RBFOX1: variants seen among roughly 807,000 people sequenced by gnomAD.
The protein encoded by RBFOX1 is RNA binding fox-1 homolog 1, also known as RNA binding protein fox-1 homolog 1.
In RBFOX1, 8 loss-of-function variants were observed where a neutral mutation model predicts 57.7. The observed-to-expected ratio is 0.14, with a 90% confidence interval of 0.08 to 0.25. The LOEUF (loss-of-function observed/expected upper bound fraction) is 0.25, where lower values mean the gene tolerates loss of function less well. Among genes scored for constraint, RBFOX1 ranks in the 10% least tolerant of loss-of-function variants. RBFOX1 has a pLI of 1.00. For missense variants in RBFOX1, 611 were observed against 548.5 expected (o/e 1.11, Z -1.14); for synonymous variants, 326 against 222.4 (o/e 1.47, Z -4.15).
Position 7,457,996 on chromosome 16 carries a change from C to T in RBFOX1, c.28-60151C>T, listed in dbSNP as rs78665869. ...GAAAGGCTACATTCCACAGTTCCTA[C>T]CCTGGTGCCTGCTTGGTTGGTATAT... On this transcript the variant is annotated intron_variant, in intron 4 of 15. Coordinates refer to ENST00000550418, the MANE Select transcript of RBFOX1 (RefSeq NM_018723.4). Among the ~76,000 whole-genome samples, 166 of 152,220 alleles carry T rather than the reference C, an allele frequency of 1.1e-3. 7 individuals carry two copies. In the East Asian group the frequency reaches 0.03, roughly 28 times the overall value.
intron 5 of RBFOX1, among the ~76,000 whole-genome samples, chr16:7,544,662 G>A (rs2083908948): frequency 6.6e-6 from 1 of 152,110 alleles, no homozygotes; most frequent in African/African-American, 2.4e-5. Flanking sequence ...GCAACACCTT[G>A]ATTTTGAACT....
chr16:6,946,252 C>G (rs2079493740), intron 3 of RBFOX1, among the ~76,000 whole-genome samples: 1 of 152,224 alleles, frequency 6.6e-6, no homozygotes, highest in African/African-American at 2.4e-5. Context: ...TCCACTACAT[C>G]CTTGTAGTAC....
In RBFOX1 at chr16:5,357,663, C is replaced by T. The variant is rs930896127; in HGVS notation, c.220-109553C>T. Among the ~76,000 whole-genome samples, 4 of 152,268 alleles carry T rather than the reference C, an allele frequency of 2.6e-5. No homozygotes were observed. The South Asian group carries it at 6.2e-4, about 24-fold the overall frequency. ...GATGCTTCTGGATCATGAACCACAC[C>T]CCAGGCTCTGGTTTCAGCAGAGTCT... On this transcript the variant is annotated intron_variant, in intron 1 of 2. Transcript: ENST00000585867.
rs1022899026 is a variant in RBFOX1, at chr16:6,019,793, G to C, written c.-326G>C. On this transcript the variant is annotated 5_prime_UTR_variant, in exon 1 of 16. Transcript: ENST00000550418. This position sits in a 1 kb window ranked among gnomAD's most constrained non-coding sequence, Gnocchi z 4.2. The stretch of plus-strand genomic sequence containing the variant: ...TGGCCGCCAGGGTCCCCGCCTGTCC[G>C]GACCCTCGCCGCGCCCAGGCAGGCG... The C allele has an allele frequency of 4.7e-6, 7 of 1,475,860 alleles. No homozygotes were observed. The South Asian group carries it at 5.2e-5, about 11-fold the overall frequency. The allele number at this position is 1,475,860 out of a possible 1,614,324, so 91.4% of individuals were successfully genotyped here.
intron 4 of RBFOX1, among the ~76,000 whole-genome samples, chr16:6,003,188 A>T (rs1391183122): frequency 6.6e-6 from 1 of 150,994 alleles, no homozygotes; most frequent in African/African-American, 2.4e-5. Context: ...CTGACGCAGG[A>T]GAATGGCATG....
intron 3 of RBFOX1, among the ~76,000 whole-genome samples, chr16:6,922,420 C>G (rs529366033): frequency 5.3e-5 from 8 of 152,200 alleles, no homozygotes; most frequent in African/African-American, 1.4e-4. Flanking sequence ...TTTTTGCTCT[C>G]TGCAGTGAGC....
chr16:6,722,111 G>T (rs12709155), intron 3 of RBFOX1, among the ~76,000 whole-genome samples: 12 of 152,204 alleles, frequency 7.9e-5, no homozygotes, highest in South Asian at 2.1e-4. Context: ...GTATAAGCGC[G>T]GTTGCACAGA....
chr16:5,486,014 G>C (rs1018483093), intron 2 of RBFOX1, among the ~76,000 whole-genome samples: 1 of 152,192 alleles, frequency 6.6e-6, no homozygotes, highest in Non-Finnish European at 1.5e-5. Context: ...AATTCGGTAT[G>C]AGCTCGCCTC....
At chr16:6,718,303 A>G (rs572884034) in intron 3 of RBFOX1, among the ~76,000 whole-genome samples, 75 of 152,328 alleles carry the variant, frequency 4.9e-4, no homozygotes, top group African/African-American at 1.8e-3. Context: ...AATGGAACAG[A>G]CGTGCCCTTG....
intron 3 of RBFOX1, chr16:5,838,321 G>C (rs2056525795): frequency 2.0e-5 from 4 of 197,946 alleles, no homozygotes; most frequent in African/African-American, 2.4e-5. Context: ...CACCTGCACA[G>C]AGTTATCCTT....
chr16:7,193,975 G>A (rs999358570), intron 4 of RBFOX1, among the ~76,000 whole-genome samples: 4 of 151,566 alleles, frequency 2.6e-5, no homozygotes, highest in African/African-American at 9.7e-5. Flanking sequence ...TTAAGGATTG[G>A]CTAAAAATAG....
At chr16:7,540,369 A>G (rs1276091861) in intron 5 of RBFOX1, among the ~76,000 whole-genome samples, 1 of 152,232 alleles carries the variant, frequency 6.6e-6, no homozygotes, top group African/African-American at 2.4e-5. Context: ...GCTCCTGTAC[A>G]GATTGCCTGA....
At chr16:7,402,197 C>G (rs529030786) in intron 4 of RBFOX1, among the ~76,000 whole-genome samples, 17 of 152,176 alleles carry the variant, frequency 1.1e-4, no homozygotes, top group Non-Finnish European at 2.5e-4. Flanking sequence ...TTTGAAAATA[C>G]ATTTAAGTAC....
chr16:5,570,118 G>A (rs1473370577), intron 2 of RBFOX1, among the ~76,000 whole-genome samples: 2 of 152,174 alleles, frequency 1.3e-5, no homozygotes, highest in Non-Finnish European at 2.9e-5. Context: ...TTCCACACCT[G>A]ATAAGTAGGT....
intron 3 of RBFOX1, among the ~76,000 whole-genome samples, chr16:6,771,641 C>G (rs185696097): frequency 3.3e-5 from 5 of 152,312 alleles, no homozygotes; most frequent in African/African-American, 1.2e-4. Flanking sequence ...TTTTGCTCCT[C>G]AGGAGACATT....
intron 1 of RBFOX1, among the ~76,000 whole-genome samples, chr16:5,326,919 C>A (rs1448013170): frequency 4.6e-5 from 7 of 152,178 alleles, no homozygotes; most frequent in African/African-American, 1.4e-4. Flanking sequence ...TGTCCAATAT[C>A]GAGCCAGGCA....
rs190846828 is a variant in RBFOX1, at chr16:5,841,338, C to A, written c.319-25965C>A. 3.7e-3 allele frequency among the ~76,000 whole-genome samples: 562 copies of A among 152,278 alleles called. 7 individuals carry two copies. The highest frequency in any genetic ancestry group is 0.013 in the African/African-American group (526 of 41,570). On this transcript the variant is annotated intron_variant, in intron 3 of 19. Transcript: ENST00000641259. ...TTCAGGGAATGTTCTTATCACCATG[C>A]AGCTGCACTGCCACTCATGTAACCC...
At chr16:6,483,233 G>A (rs1165691214) in intron 2 of RBFOX1, 1 of 1,232,990 alleles carries the variant, frequency 8.1e-7, no homozygotes, top group African/African-American at 1.6e-5. Flanking sequence ...CCGGGCCCTG[G>A]CGCCGCCGTG....
chr16:7,382,057 A>C (rs1272172945), intron 4 of RBFOX1, among the ~76,000 whole-genome samples: 2 of 152,240 alleles, frequency 1.3e-5, no homozygotes, highest in African/African-American at 4.8e-5. Flanking sequence ...TTTATAAATC[A>C]GTTGGAAGTT....
Sources: gnomAD v4.1 joint callset for allele counts (sites outside exome capture counted in the v4.1 genomes callset) on GRCh38, gnomAD v4.1.1 for gene constraint, Gnocchi (gnomAD v3.1) non-coding constraint, MANE v1.5 for transcripts, NCBI Gene and HGNC (gene_info 2026-07-23, HGNC 2026-07-21) for gene names.